ZNF334: variants seen among roughly 807,000 people sequenced by gnomAD.
ZNF334 encodes the protein zinc finger protein 334.
Under a neutral mutation model 12.4 loss-of-function variants are expected in ZNF334, and 14 were observed. That is an observed-to-expected ratio of 1.13 (90% CI 0.74 to 1.76). ZNF334 has a LOEUF of 1.76. Ranked by LOEUF, ZNF334 falls within the 40% of genes most tolerant of loss-of-function variation. The pLI is 0.00. For missense variants in ZNF334, 797 were observed against 804.5 expected (o/e 0.99, Z 0.11); for synonymous variants, 273 against 269.6 (o/e 1.01, Z -0.12).
the ZNF334 span, among the ~76,000 whole-genome samples, chr20:46,493,090 G>GA: frequency 7.0e-3 from 991 of 141,976 alleles, 8 homozygotes; most frequent in South Asian, 0.032. Flanking sequence ...TCTGTCTTTA[G>GA]AAAAAAAAAA....
At chr20:46,465,172 G>T in the ZNF334 span, 1 of 209,930 alleles carries the variant, frequency 4.8e-6, no homozygotes, top group South Asian at 8.0e-5. Flanking sequence ...CCCGTCCCCA[G>T]GGATGGGGGT....
downstream of ZNF334, chr20:46,496,693 A>C (rs1600999040): frequency 3.9e-5 from 6 of 152,304 alleles, no homozygotes; most frequent in African/African-American, 2.4e-5. Flanking sequence ...AGGCTTCTGC[A>C]CCCGACACAT....
At chr20:46,499,188 A>AG (rs1188473010), downstream of ZNF334, among the ~76,000 whole-genome samples, 2 of 150,612 alleles carry the variant, frequency 1.3e-5, no homozygotes, top group African/African-American at 4.9e-5. Context: ...AAAAAAAAAA[A>AG]AAAAAAAAAA....
intron 2 of ZNF334, among the ~76,000 whole-genome samples, chr20:46,507,347 C>T (rs1215031876): frequency 2.0e-5 from 3 of 152,044 alleles, no homozygotes; most frequent in African/African-American, 7.3e-5. Context: ...AAAGAAGGAC[C>T]ATCGTGGGTT....
chr20:46,484,218 C>A, the ZNF334 span, among the ~76,000 whole-genome samples: 2 of 152,124 alleles, frequency 1.3e-5, no homozygotes, highest in Admixed American at 6.5e-5. Context: ...CTGACTCAGC[C>A]AAGCATGAAC....
At chr20:46,464,413 G>A in the ZNF334 span, 2 of 504,462 alleles carry the variant, frequency 4.0e-6, no homozygotes, top group South Asian at 3.1e-5. Flanking sequence ...CGTGGCTGCA[G>A]CTGGAGAGGA....
chr20:46,497,458 A>G (rs2061042673), downstream of ZNF334, among the ~76,000 whole-genome samples: 1 of 152,248 alleles, frequency 6.6e-6, no homozygotes, highest in Non-Finnish European at 1.5e-5. Flanking sequence ...CATCTTAAAG[A>G]ATAAGCTATC....
intron 4 of ZNF334, 36 bp from the exon 5 acceptor site, chr20:46,503,133 G>A (rs200390336): frequency 2.0e-6 from 3 of 1,530,668 alleles, no homozygotes; most frequent in Non-Finnish European, 2.6e-6. Context: ...TAATTGGTGA[G>A]CCTTTATATG....
the ZNF334 span, among the ~76,000 whole-genome samples, chr20:46,474,343 G>A: frequency 6.7e-6 from 1 of 150,220 alleles, no homozygotes; most frequent in Non-Finnish European, 1.5e-5. Context: ...CCATGCCACT[G>A]CATTCCAGCT....
the ZNF334 span, among the ~76,000 whole-genome samples, chr20:46,472,326 T>C: frequency 6.6e-4 from 100 of 152,190 alleles, 1 homozygote; most frequent in African/African-American, 2.4e-3. Flanking sequence ...CCCATTCTAA[T>C]GAGGAAACAG....
chr20:46,488,462 C>T, the ZNF334 span, among the ~76,000 whole-genome samples: 1 of 109,500 alleles, frequency 9.1e-6, no homozygotes, highest in Non-Finnish European at 1.9e-5. Context: ...AATTTATCTC[C>T]ACCTGCCTTT....
chr20:46,470,226 G>C, the ZNF334 span, among the ~76,000 whole-genome samples: 23 of 152,176 alleles, frequency 1.5e-4, no homozygotes, highest in Admixed American at 1.5e-3. Flanking sequence ...AGGTCCCCTG[G>C]CTGGCTGCCA....
At chr20:46,492,182 G>A in the ZNF334 span, 1 of 152,534 alleles carries the variant, frequency 6.6e-6, no homozygotes, top group Non-Finnish European at 1.5e-5. Context: ...CATGGATCTT[G>A]CTCGCCACCA....
rs150505904 is a variant in ZNF334 at position 46,501,892 on chromosome 20, G to A, written c.1447C>T (p.His483Tyr). Residue 483 changes from histidine (H) to tyrosine (Y), a missense_variant, in exon 5 of 5, where the codon CAC becomes TAC. By Grantham distance (83) the His-to-Tyr change is moderately conservative. Coordinates refer to ENST00000692313, the MANE Select transcript of ZNF334 (RefSeq NM_001353824.2). ...AACACACCATGTTTCTCTCCTGTGT[G>A]TGTTCTCTGATGTATAGTGAGTGTT... ...KSTLTIHQRT[H>Y]TGEKHGVFNK... 1 of 1,613,946 alleles carries A rather than the reference G, an allele frequency of 6.2e-7. No individual in the cohort carries two copies. The highest frequency in any genetic ancestry group is 1.3e-5 in the African/African-American group (1 of 74,892).
At chr20:46,506,870 G>A (rs1391439654) in intron 2 of ZNF334, among the ~76,000 whole-genome samples, 3 of 152,038 alleles carry the variant, frequency 2.0e-5, no homozygotes, top group Admixed American at 6.6e-5. Flanking sequence ...ACAGCACTTC[G>A]GGAGGCTGAG....
At chr20:46,473,889 T>C in the ZNF334 span, among the ~76,000 whole-genome samples, 13 of 152,184 alleles carry the variant, frequency 8.5e-5, no homozygotes, top group Non-Finnish European at 1.3e-4. Flanking sequence ...CAAAGTGAGA[T>C]TGTACGTGAT....
chr20:46,479,869 C>G, the ZNF334 span, among the ~76,000 whole-genome samples: 1 of 152,184 alleles, frequency 6.6e-6, no homozygotes, highest in African/African-American at 2.4e-5. Context: ...TTACCTTAAC[C>G]AAAGCATTTC....
At chr20:46,493,410 G>C in the ZNF334 span, among the ~76,000 whole-genome samples, 1 of 152,224 alleles carries the variant, frequency 6.6e-6, no homozygotes, top group Non-Finnish European at 1.5e-5. Flanking sequence ...TCATGGATCT[G>C]AACTAAAGGG....
chr20:46,497,240 G>A (rs1171542808), downstream of ZNF334, among the ~76,000 whole-genome samples: 3 of 152,150 alleles, frequency 2.0e-5, no homozygotes, highest in African/African-American at 4.8e-5. Flanking sequence ...TGAGGAGTGG[G>A]GTAGACAGTG....
Sources: allele counts gnomAD v4.1 joint callset (sites outside exome capture counted in the v4.1 genomes callset), GRCh38; gene constraint gnomAD v4.1.1; transcripts MANE v1.5; gene names NCBI Gene and HGNC (gene_info 2026-07-23, HGNC 2026-07-21).